The following GPSM2 variants were observed in gnomAD, a reference collection of about 807,000 sequenced individuals.
The protein encoded by GPSM2 is G protein-signaling modulator 2.
Under a neutral mutation model 78.4 loss-of-function variants are expected in GPSM2, and 58 were observed. The ratio of observed to expected loss-of-function variants is 0.74; its 90% CI spans 0.60 to 0.92. GPSM2 has a LOEUF of 0.92. Among genes scored for constraint, GPSM2 ranks in the 40% least tolerant of loss-of-function variants. The pLI is 0.00. For missense variants in GPSM2, 700 were observed against 815.5 expected, an observed-to-expected ratio of 0.86 and a Z score of 1.73; for synonymous variants, 224 against 280.2, an observed-to-expected ratio of 0.80 and a Z score of 2.00.
Position 108,918,614 on chromosome 1 carries a change from T to TA in GPSM2, c.1266dup (p.Gln423ThrfsTer6). On this transcript the variant is annotated frameshift_variant and splice_region_variant, in exon 12 of 15. Transcript: ENST00000264126. LOFTEE classifies it high-confidence loss of function. ...TGCCTTCCATTTATAATTTTGTAGG[T>TA]ACAGAACTGGAACAGTGAAATTCTT... 3 of 1,610,974 alleles carry TA rather than the reference T, an allele frequency of 1.9e-6. No homozygotes were observed. The highest frequency in any genetic ancestry group is 2.5e-6 in the Non-Finnish European group (3 of 1,177,250).
intron 13 of GPSM2, 85 bp downstream of exon 13, chr1:108,922,661 TAA>T: frequency 1.9e-6 from 2 of 1,076,726 alleles, no homozygotes; most frequent in Non-Finnish European, 2.9e-6. Flanking sequence ...ATTCCCATCA[TAA>T]GAGATATAAT....
intron 2 of GPSM2, among the ~76,000 whole-genome samples, chr1:108,896,487 T>C (rs1187148175): frequency 1.3e-5 from 2 of 152,164 alleles, no homozygotes; most frequent in Non-Finnish European, 1.5e-5. Flanking sequence ...TTGTAGGGCC[T>C]CACTTTCCTA....
chr1:108,899,451 A>AT (rs1398322857), intron 7 of GPSM2, among the ~76,000 whole-genome samples: 1 of 152,056 alleles, frequency 6.6e-6, no homozygotes, highest in Non-Finnish European at 1.5e-5. Flanking sequence ...TGATCACTGA[A>AT]TTTTTTTCTC....
intron 10 of GPSM2, among the ~76,000 whole-genome samples, chr1:108,907,686 T>A (rs1307613193): frequency 6.6e-6 from 1 of 152,252 alleles, no homozygotes; most frequent in Middle Eastern, 3.2e-3. Context: ...TGCCAGGCAC[T>A]GATTTAAGTG....
chr1:108,906,866 A>C (rs1379025861), intron 10 of GPSM2, among the ~76,000 whole-genome samples: 1 of 152,140 alleles, frequency 6.6e-6, no homozygotes, highest in Non-Finnish European at 1.5e-5. Flanking sequence ...TGACGGAACT[A>C]TAGGCACGAC....
chr1:108,894,285 A>T (rs896027118), intron 2 of GPSM2, among the ~76,000 whole-genome samples: 8 of 152,234 alleles, frequency 5.3e-5, no homozygotes, highest in African/African-American at 1.7e-4. Context: ...AAGGTTTCTG[A>T]TTTAACTGCT....
rs1334269653 is a variant in GPSM2, at chr1:108,924,190, C to A, written c.1791C>A (p.Phe597Leu). Residue 597 changes from phenylalanine (F) to leucine (L), a missense_variant, in exon 14 of 15, where the codon TTC (phenylalanine) becomes TTA (leucine). Transcript: ENST00000264126. ...TNDNKEADED[F>L]FDILVKCQGS... ...ACAACAAAGAGGCTGATGAAGATTT[C>A]TTTGACATCCTTGTAAAATGTCAAG... 4 of 1,611,568 alleles carry A rather than the reference C, an allele frequency of 2.5e-6. No individual in the cohort carries two copies. In the Admixed American group the frequency reaches 5.0e-5, roughly 20 times the overall value.
chr1:108,879,959 T>C (rs1335999042), intron 1 of GPSM2, among the ~76,000 whole-genome samples: 1 of 152,222 alleles, frequency 6.6e-6, no homozygotes, highest in Non-Finnish European at 1.5e-5. Flanking sequence ...TTCTGTGCAT[T>C]TCTACCCTCC....
intron 2 of GPSM2, among the ~76,000 whole-genome samples, chr1:108,891,130 A>G (rs1647936310): frequency 6.6e-6 from 1 of 152,220 alleles, no homozygotes; most frequent in African/African-American, 2.4e-5. Context: ...AAAGATGGAT[A>G]CATTGGGTTT....
At chr1:108,881,603 A>AT (rs1164619678) in intron 1 of GPSM2, among the ~76,000 whole-genome samples, 5 of 152,070 alleles carry the variant, frequency 3.3e-5, no homozygotes, top group South Asian at 4.1e-4. Flanking sequence ...TTCAGTGAAT[A>AT]TTTTTTTGTG....
chr1:108,929,470 T>C, intron 14 of GPSM2: 1 of 557,610 alleles, frequency 1.8e-6, no homozygotes, highest in South Asian at 2.1e-5. Flanking sequence ...CAGCTATACC[T>C]ATATAAGCCA....
At chr1:108,903,886 AAAG>A (rs1649021678) in intron 9 of GPSM2, among the ~76,000 whole-genome samples, 1 of 152,320 alleles carries the variant, frequency 6.6e-6, no homozygotes, top group African/African-American at 2.4e-5. Flanking sequence ...TAAAGAATTA[AAAG>A]AATACAATTA....
chr1:108,920,541 T>A (rs530678951), intron 12 of GPSM2, among the ~76,000 whole-genome samples: 87 of 152,206 alleles, frequency 5.7e-4, no homozygotes, highest in African/African-American at 1.8e-3. Context: ...CTTTTTTTTT[T>A]AAATTAGAGA....
intron 2 of GPSM2, 54 bp from the exon 3 acceptor site, chr1:108,896,810 C>T: frequency 2.3e-6 from 3 of 1,311,808 alleles, no homozygotes; most frequent in South Asian, 1.2e-5. Context: ...GTTAAAAATA[C>T]TGTGATGCAG....
chr1:108,899,461 C>T (rs1274931814), intron 7 of GPSM2, among the ~76,000 whole-genome samples: 4 of 152,120 alleles, frequency 2.6e-5, no homozygotes, highest in Non-Finnish European at 4.4e-5. Context: ...ATTTTTTTCT[C>T]TACCTTCCCA....
At chr1:108,902,311 G>T (rs977656654) in intron 8 of GPSM2, among the ~76,000 whole-genome samples, 1 of 151,708 alleles carries the variant, frequency 6.6e-6, no homozygotes, top group Non-Finnish European at 1.5e-5. Context: ...AACCCAGGAG[G>T]TGGAGGTTGC....
At chr1:108,897,382 C>A in intron 3 of GPSM2, 110 bp from the exon 4 acceptor site, 1 of 1,030,064 alleles carries the variant, frequency 9.7e-7, no homozygotes. Context: ...TTACCTTAAG[C>A]ATGTCAGTTT....
chr1:108,913,585 T>C (rs1649942514), intron 10 of GPSM2, among the ~76,000 whole-genome samples: 1 of 152,194 alleles, frequency 6.6e-6, no homozygotes, highest in Admixed American at 6.5e-5. Flanking sequence ...TCAAAAGCAA[T>C]ATAGCACATG....
At chr1:108,913,077 T>G (rs1649891113) in intron 10 of GPSM2, among the ~76,000 whole-genome samples, 1 of 152,084 alleles carries the variant, frequency 6.6e-6, no homozygotes, top group Non-Finnish European at 1.5e-5. Context: ...TAATGGAAAC[T>G]CTTGTGTGGT....
Sources: allele counts gnomAD v4.1 joint callset (sites outside exome capture counted in the v4.1 genomes callset), GRCh38; gene constraint gnomAD v4.1.1; transcripts MANE v1.5; gene names NCBI Gene and HGNC (gene_info 2026-07-23, HGNC 2026-07-21).